The following AK8 variants were observed in gnomAD, a reference collection of about 807,000 sequenced individuals.
AK8 encodes ATP-AMP transphosphorylase 8.
Under a neutral mutation model 54.6 loss-of-function variants are expected in AK8, and 44 were observed. The ratio of observed to expected loss-of-function variants is 0.81; its 90% CI spans 0.63 to 1.04. The LOEUF is 1.04. Among genes scored for constraint, AK8 ranks in the 50% least tolerant of loss-of-function variants. The pLI, the probability that AK8 is intolerant of heterozygous loss-of-function variation, is 0.00. For missense variants in AK8, 555 were observed against 613.6 expected, an observed-to-expected ratio of 0.90 and a Z score of 1.01; for synonymous variants, 239 against 245.6, an observed-to-expected ratio of 0.97 and a Z score of 0.25.
chr9:132,846,528 AAT>A (rs1329696376), intron 5 of AK8, among the ~76,000 whole-genome samples: 2 of 152,058 alleles, frequency 1.3e-5, no homozygotes, highest in Admixed American at 6.6e-5. Flanking sequence ...TGAATGAATG[AAT>A]GAATGAATGA....
chr9:132,804,066 A>ACTG (rs1840597455), intron 10 of AK8, among the ~76,000 whole-genome samples: 1 of 147,450 alleles, frequency 6.8e-6, no homozygotes, highest in Non-Finnish European at 1.5e-5. Context: ...AGATCGCGCC[A>ACTG]CTGCGATCCA....
chr9:132,836,644 A>G (rs1202566350), intron 5 of AK8, among the ~76,000 whole-genome samples: 2 of 152,078 alleles, frequency 1.3e-5, no homozygotes, highest in Non-Finnish European at 2.9e-5. Flanking sequence ...TGGCCTCCCA[A>G]AGTGCTGGGA....
rs943929179 is a variant in AK8 at position 132,860,314 on chromosome 9, G to A, written c.333+3351C>T. On this transcript the variant is annotated intron_variant, in intron 4 of 12. Coordinates refer to ENST00000298545, the MANE Select transcript of AK8 (RefSeq NM_152572.3). The surrounding 1 kb of genome is among the most constrained non-coding windows in gnomAD (Gnocchi z 4.4). ...AATCCTCAGTGACACTTCTAGGTGT[G>A]ATAATGTGTCTCTATGCGTTTACTG... Among the ~76,000 whole-genome samples, 3 of 152,194 alleles carry A rather than the reference G, an allele frequency of 2.0e-5. No individual in the cohort carries two copies. The highest frequency in any genetic ancestry group is 7.2e-5 in the African/African-American group (3 of 41,430).
chr9:132,747,698 TG>T (rs1163388394), intron 11 of AK8, among the ~76,000 whole-genome samples: 1 of 150,934 alleles, frequency 6.6e-6, no homozygotes, highest in Non-Finnish European at 1.5e-5. Flanking sequence ...CCCAAAGTGC[TG>T]GGATTACAGG....
chr9:132,794,033 A>G (rs1588137582), intron 10 of AK8, among the ~76,000 whole-genome samples: 1 of 152,202 alleles, frequency 6.6e-6, no homozygotes, highest in East Asian at 1.9e-4. Context: ...AATCACTGCC[A>G]GCCGTTTTCC....
chr9:132,855,423 G>C (rs1192223624), intron 4 of AK8, among the ~76,000 whole-genome samples: 1 of 152,230 alleles, frequency 6.6e-6, no homozygotes, highest in Non-Finnish European at 1.5e-5. Context: ...TCCAGACAGT[G>C]GCGGGTGGGA....
chr9:132,834,678 G>A (rs145069172), intron 5 of AK8, among the ~76,000 whole-genome samples: 42 of 152,210 alleles, frequency 2.8e-4, no homozygotes, highest in African/African-American at 7.5e-4. Flanking sequence ...TTACAACGCC[G>A]AAATATGCAG....
chr9:132,829,701 G>A (rs1271123957), intron 5 of AK8, among the ~76,000 whole-genome samples: 1 of 152,030 alleles, frequency 6.6e-6, no homozygotes, highest in Non-Finnish European at 1.5e-5. Context: ...GTACAGCTAG[G>A]GAACTGGTTT....
chr9:132,728,695 C>T (rs911088247), intron 11 of AK8, among the ~76,000 whole-genome samples: 14 of 152,094 alleles, frequency 9.2e-5, no homozygotes, highest in African/African-American at 2.9e-4. Context: ...TTTCTCACTT[C>T]CTCTTTCTCA....
At chr9:132,794,674 A>G (rs1840081158) in intron 10 of AK8, among the ~76,000 whole-genome samples, 1 of 152,210 alleles carries the variant, frequency 6.6e-6, no homozygotes, top group Non-Finnish European at 1.5e-5. Context: ...TCTGGCACAT[A>G]GTAGGTGTTG....
intron 11 of AK8, among the ~76,000 whole-genome samples, chr9:132,752,144 G>A (rs1475992313): frequency 4.1e-5 from 2 of 49,050 alleles, no homozygotes; most frequent in African/African-American, 1.3e-4. Flanking sequence ...GCCCAGCCAA[G>A]ACCTGTTTAG....
intron 2 of AK8, among the ~76,000 whole-genome samples, chr9:132,867,880 TAG>T (rs1843666550): frequency 6.6e-6 from 1 of 152,122 alleles, no homozygotes; most frequent in Non-Finnish European, 1.5e-5. Flanking sequence ...GAGACAGAGC[TAG>T]AGTGGCTGCT....
At chr9:132,852,689 G>C (rs1843012116) in intron 5 of AK8, among the ~76,000 whole-genome samples, 1 of 137,836 alleles carries the variant, frequency 7.3e-6, no homozygotes, top group Non-Finnish European at 1.5e-5. Context: ...TGAATTGCTT[G>C]AACTTGGGAG....
intron 10 of AK8, 119 bp from the exon 11 acceptor site, chr9:132,792,894 T>C: frequency 8.1e-7 from 1 of 1,230,678 alleles, no homozygotes; most frequent in Non-Finnish European, 1.1e-6. Flanking sequence ...GTGGAGCCAC[T>C]TGGAACCACT....
At position 132,875,019 on chromosome 9, in the gene AK8, G is replaced by A. The variant is rs1588246810; in HGVS notation, c.169+96C>T. ...CGGGATGGGGCAGGGTTCCTGGAGA[G>A]GAAGAGGAGGAGGAGGCAGAGGAGT... On this transcript the variant is annotated intron_variant, in intron 2 of 12. Coordinates refer to ENST00000298545, the MANE Select transcript of AK8 (RefSeq NM_152572.3). The A allele has an allele frequency of 3.6e-5, 53 of 1,480,840 alleles. No individual in the cohort carries two copies. The East Asian group carries it at 1.2e-3, about 35-fold the overall frequency. 91.7% of individuals were successfully genotyped at this position (1,480,840 alleles called of 1,614,324 possible).
At chr9:132,785,955 G>A (rs1286943969) in intron 11 of AK8, among the ~76,000 whole-genome samples, 5 of 152,186 alleles carry the variant, frequency 3.3e-5, no homozygotes, top group Non-Finnish European at 5.9e-5. Context: ...ACAGAAAAAC[G>A]ATAGGAAAGG....
At chr9:132,814,796 C>G (rs1170036455) in intron 9 of AK8, 69 bp from the exon 10 acceptor site, 1 of 1,387,168 alleles carries the variant, frequency 7.2e-7, no homozygotes, top group African/African-American at 1.5e-5. Context: ...AAAAAAAGAA[C>G]CCCCAGTGCT....
intron 10 of AK8, among the ~76,000 whole-genome samples, chr9:132,802,666 C>A (rs1189594686): frequency 6.6e-6 from 1 of 152,228 alleles, no homozygotes; most frequent in African/African-American, 2.4e-5. Flanking sequence ...ACTATCCCTG[C>A]AGATGCAACG....
chr9:132,752,465 G>T (rs1280359804), intron 11 of AK8, among the ~76,000 whole-genome samples: 1 of 152,130 alleles, frequency 6.6e-6, no homozygotes, highest in South Asian at 2.1e-4. Context: ...TAGCCAGGAT[G>T]GTCTCGATCT....
Sources: allele counts gnomAD v4.1 joint callset (sites outside exome capture counted in the v4.1 genomes callset), GRCh38; gene constraint gnomAD v4.1.1; non-coding constraint Gnocchi (gnomAD v3.1); transcripts MANE v1.5; gene names NCBI Gene and HGNC (gene_info 2026-07-23, HGNC 2026-07-21).